Variants in GPC5 observed in about 807,000 individuals in gnomAD.
The protein encoded by GPC5 is glypican 5, also known as glypican-5.
GPC5 carries 47 observed loss-of-function variants against 53.9 expected under a neutral mutation model. That is an observed-to-expected ratio of 0.87 (90% CI 0.69 to 1.11). The LOEUF is 1.11. Among genes scored for constraint, GPC5 ranks in the 50% most tolerant of loss-of-function variants. The probability of loss-of-function intolerance (pLI) is 0.00; values close to 1 mark genes in which losing one functional copy is unlikely to be tolerated. For synonymous variants in GPC5, 286 were observed against 263.3 expected, an observed-to-expected ratio of 1.09 and a Z score of -0.84; for missense variants, 748 against 713.1, an observed-to-expected ratio of 1.05 and a Z score of -0.56.
At chr13:92,382,038 A>C (rs995278305) in intron 7 of GPC5, among the ~76,000 whole-genome samples, 19 of 151,036 alleles carry the variant, frequency 1.3e-4, no homozygotes, top group Non-Finnish European at 1.9e-4. Context: ...TGCAGCCATA[A>C]GAAGGAATAA....
intron 7 of GPC5, among the ~76,000 whole-genome samples, chr13:92,550,234 T>A (rs1350078334): frequency 6.6e-6 from 1 of 151,864 alleles, no homozygotes; most frequent in Non-Finnish European, 1.5e-5. Context: ...GAATCTTAGC[T>A]AATGTTTTAA....
intron 5 of GPC5, among the ~76,000 whole-genome samples, chr13:91,864,020 C>A (rs938119290): frequency 1.3e-5 from 2 of 152,146 alleles, no homozygotes; most frequent in Non-Finnish European, 1.5e-5. Flanking sequence ...AAGACTATGT[C>A]TGAACACATA....
chr13:92,781,491 G>T (rs1594503017), intron 7 of GPC5, among the ~76,000 whole-genome samples: 1 of 152,038 alleles, frequency 6.6e-6, no homozygotes, highest in Non-Finnish European at 1.5e-5. Flanking sequence ...TTATTTTGAT[G>T]TACAGGTTTG....
chr13:92,855,168 C>T (rs1454352062), intron 7 of GPC5, among the ~76,000 whole-genome samples: 1 of 152,002 alleles, frequency 6.6e-6, no homozygotes, highest in Non-Finnish European at 1.5e-5. Flanking sequence ...TAGATATGAT[C>T]ACTACAGTTA....
intron 5 of GPC5, among the ~76,000 whole-genome samples, chr13:91,857,798 T>C (rs1031344701): frequency 6.6e-6 from 1 of 151,486 alleles, no homozygotes. Flanking sequence ...AGTTCACCTC[T>C]ACTCTTAGTC....
At chr13:91,995,344 AT>A (rs1339886110) in intron 6 of GPC5, 1 of 152,120 alleles carries the variant, frequency 6.6e-6, no homozygotes, top group Non-Finnish European at 1.5e-5. Context: ...TTGTAAAATT[AT>A]TTTTTATTAT....
chr13:92,481,940 C>T (rs1044565403), intron 7 of GPC5, among the ~76,000 whole-genome samples: 6 of 152,052 alleles, frequency 3.9e-5, no homozygotes, highest in African/African-American at 7.2e-5. Flanking sequence ...ATCAGCCTGG[C>T]CAATATGGGG....
chr13:91,882,252 T>C (rs1314914535), intron 5 of GPC5, among the ~76,000 whole-genome samples: 1 of 152,102 alleles, frequency 6.6e-6, no homozygotes, highest in Admixed American at 6.5e-5. Context: ...TGAGGTTTTA[T>C]GTAATCTATT....
rs140218226 is a variant in GPC5 at position 92,825,548 on chromosome 13, A to G, written c.1562-40734A>G. On this transcript the variant is annotated intron_variant, in intron 7 of 7. Transcript: ENST00000377067. ...TTATGAAGAATATATATCACTGCATATGCTGCATAACATGAATTACATACT... is the reference window on the plus strand; with the variant it reads ...TTATGAAGAATATATATCACTGCATGTGCTGCATAACATGAATTACATACT... 8.5e-3 allele frequency among the ~76,000 whole-genome samples: 1,287 copies of G among 152,280 alleles called. 18 individuals are homozygous for G. The highest frequency in any genetic ancestry group is 0.029 in the African/African-American group (1,211 of 41,560).
At chr13:91,974,560 A>C (rs2139097483) in intron 6 of GPC5, among the ~76,000 whole-genome samples, 1 of 152,230 alleles carries the variant, frequency 6.6e-6, no homozygotes, top group South Asian at 2.1e-4. Context: ...TCCAACTTAC[A>C]AGGGATGTGA....
chr13:91,838,967 A>G (rs1245674858), intron 5 of GPC5, among the ~76,000 whole-genome samples: 6 of 122,864 alleles, frequency 4.9e-5, no homozygotes, highest in Non-Finnish European at 3.7e-5. Flanking sequence ...ACATACGTAT[A>G]TACTCAAGGT....
At chr13:92,558,000 T>C (rs2139024815) in intron 7 of GPC5, among the ~76,000 whole-genome samples, 1 of 152,044 alleles carries the variant, frequency 6.6e-6, no homozygotes, top group South Asian at 2.1e-4. Flanking sequence ...AAATGATAAA[T>C]ATAAAGACTT....
At chr13:91,795,423 T>C (rs989744844) in intron 5 of GPC5, among the ~76,000 whole-genome samples, 7 of 152,186 alleles carry the variant, frequency 4.6e-5, no homozygotes, top group Non-Finnish European at 1.0e-4. Flanking sequence ...TTTGGGATCA[T>C]TTTGTTGTAT....
At chr13:92,614,616 C>T (rs1391229068) in intron 7 of GPC5, among the ~76,000 whole-genome samples, 4 of 152,132 alleles carry the variant, frequency 2.6e-5, no homozygotes, top group Non-Finnish European at 5.9e-5. Context: ...GTGAATAATT[C>T]AAATGGTTGG....
intron 2 of GPC5, among the ~76,000 whole-genome samples, chr13:91,671,807 G>GAAAAAAAAAAAAAAAAAAAAA (rs1207604916): frequency 1.1e-4 from 6 of 54,676 alleles, no homozygotes; most frequent in African/African-American, 7.9e-5. Context: ...AAAAAAAAAC[G>GAAAAAAAAAAAAAAAAAAAAA]AAACTGGAGG....
chr13:91,534,600 A>C (rs910534707), intron 2 of GPC5, among the ~76,000 whole-genome samples: 2 of 152,216 alleles, frequency 1.3e-5, no homozygotes, highest in African/African-American at 4.8e-5. Context: ...TGGTGGATCG[A>C]TGGAGAATGA....
At position 92,295,861 on chromosome 13, in the gene GPC5, G is replaced by A. The variant is rs115820248; in HGVS notation, c.1561+150872G>A. ...AGTTTGTGTGAGTCCTTATGCGTTAGGTAAGTCTCTTGAACGCAGCAGATG... is the reference window on the plus strand; with the variant it reads ...AGTTTGTGTGAGTCCTTATGCGTTAAGTAAGTCTCTTGAACGCAGCAGATG... On this transcript the variant is annotated intron_variant, in intron 7 of 7. Coordinates refer to ENST00000377067, the MANE Select transcript of GPC5 (RefSeq NM_004466.6). 5.7e-3 allele frequency among the ~76,000 whole-genome samples: 868 copies of A among 152,182 alleles called. 7 individuals are homozygous for A. The highest frequency in any genetic ancestry group is 0.02 in the African/African-American group (832 of 41,498).
intron 7 of GPC5, among the ~76,000 whole-genome samples, chr13:92,395,193 A>G (rs1034657800): frequency 1.3e-5 from 2 of 152,104 alleles, no homozygotes; most frequent in African/African-American, 4.8e-5. Flanking sequence ...CCTTTTATAT[A>G]TTCTCTGATT....
At chr13:92,515,080 G>T (rs1880720037) in intron 7 of GPC5, among the ~76,000 whole-genome samples, 1 of 152,286 alleles carries the variant, frequency 6.6e-6, no homozygotes, top group Non-Finnish European at 1.5e-5. Context: ...AAGCTCAAAA[G>T]AGTAGTCAAG....
Sources: gnomAD v4.1 joint callset for allele counts (sites outside exome capture counted in the v4.1 genomes callset) on GRCh38, gnomAD v4.1.1 for gene constraint, MANE v1.5 for transcripts, NCBI Gene and HGNC (gene_info 2026-07-23, HGNC 2026-07-21) for gene names.